Variants in CSMD3 observed in about 807,000 individuals in gnomAD.
CSMD3 encodes CUB and Sushi multiple domains 3, also known as CUB and sushi domain-containing protein 3.
CSMD3 carries 177 observed loss-of-function variants against 435.2 expected under a neutral mutation model. That is an observed-to-expected ratio of 0.41 (90% CI 0.36 to 0.46). CSMD3 has a LOEUF of 0.46. Ranked by LOEUF, CSMD3 falls within the 20% of genes least tolerant of loss-of-function variation. The pLI is 0.34. For missense variants in CSMD3, 4,265 were observed against 4,504.6 expected, an observed-to-expected ratio of 0.95 and a Z score of 1.52; for synonymous variants, 1,656 against 1,520.5, an observed-to-expected ratio of 1.09 and a Z score of -2.07.
chr8:112,744,054 T>C (rs929242783), intron 13 of CSMD3, among the ~76,000 whole-genome samples: 6 of 151,988 alleles, frequency 3.9e-5, no homozygotes, highest in Non-Finnish European at 8.8e-5. Context: ...TATGAAAAGG[T>C]TGTCATATAA....
intron 6 of CSMD3, among the ~76,000 whole-genome samples, chr8:112,980,230 CCAAA>C (rs2085000035): frequency 6.7e-6 from 1 of 150,274 alleles, no homozygotes; most frequent in South Asian, 2.1e-4. Context: ...TAACTCATTA[CCAAA>C]ATAAAAAACA....
chr8:112,314,563 G>A lies in CSMD3; in HGVS notation c.7415C>T (p.Pro2472Leu), dbSNP rs2130837808. 1.2e-6 allele frequency: 2 copies of A among 1,612,520 alleles called. No individual in the cohort carries two copies. The highest frequency in any genetic ancestry group is 1.7e-6 in the Non-Finnish European group (2 of 1,178,726). Residue 2472 changes from proline (P) to leucine (L), a missense_variant, in exon 48 of 71, where the codon CCT becomes CTT. Physicochemically the swap from Pro to Leu is moderately conservative, Grantham distance 98. This residue lies in a region of CSMD3 where 3,255 missense variants were observed against 3,380.2 expected (regional missense o/e 0.96). Transcript: ENST00000297405. Reference sequence around the variant, plus strand: ...ATTTGGGTAACTGTCAGGATATCCAGGGCTCAATATGACTCCAGTAGAATC... The same window carrying A: ...ATTTGGGTAACTGTCAGGATATCCAAGGCTCAATATGACTCCAGTAGAATC... Reference protein sequence around the residue: ...RLDSTGVILSPGYPDSYPNLQ... With the variant: ...RLDSTGVILSLGYPDSYPNLQ...
chr8:112,678,996 G>A (rs996417547), intron 16 of CSMD3, among the ~76,000 whole-genome samples: 1 of 151,154 alleles, frequency 6.6e-6, no homozygotes. Context: ...CAGAAAAAAG[G>A]AGACAGGAGG....
intron 53 of CSMD3, among the ~76,000 whole-genome samples, chr8:112,300,402 TAAG>T (rs1204085121): frequency 6.6e-6 from 1 of 151,614 alleles, no homozygotes; most frequent in Non-Finnish European, 1.5e-5. Flanking sequence ...TACAAACTAT[TAAG>T]ATTTTTTATT....
chr8:112,656,007 CA>C, intron 18 of CSMD3, 146 bp downstream of exon 18: 1 of 536,640 alleles, frequency 1.9e-6, no homozygotes, highest in Non-Finnish European at 3.3e-6. Flanking sequence ...CTAAAACACA[CA>C]CCTTATAAAG....
At chr8:113,277,264 T>G (rs1414661649) in intron 3 of CSMD3, among the ~76,000 whole-genome samples, 1 of 151,986 alleles carries the variant, frequency 6.6e-6, no homozygotes, top group Non-Finnish European at 1.5e-5. Flanking sequence ...TCAACTATTG[T>G]GAGAGCTCCT....
chr8:112,498,893 G>T, intron 30 of CSMD3, among the ~76,000 whole-genome samples: 1 of 152,184 alleles, frequency 6.6e-6, no homozygotes, highest in Admixed American at 6.5e-5. Flanking sequence ...TTTGAATTAT[G>T]ACTTGATTTT....
At chr8:112,468,232 GTATTTT>G (rs1818155829) in intron 32 of CSMD3, among the ~76,000 whole-genome samples, 1 of 114,882 alleles carries the variant, frequency 8.7e-6, no homozygotes, top group Non-Finnish European at 1.8e-5. Context: ...ATTGCCTAAA[GTATTTT>G]TTTTTTTTTT....
chr8:113,167,521 C>A (rs1257667864), intron 4 of CSMD3, among the ~76,000 whole-genome samples: 1 of 152,146 alleles, frequency 6.6e-6, no homozygotes, highest in Non-Finnish European at 1.5e-5. Flanking sequence ...CTAAAACAGT[C>A]TAATCAGGAC....
chr8:112,984,129 C>T (rs1317343811), intron 6 of CSMD3, among the ~76,000 whole-genome samples: 4 of 151,664 alleles, frequency 2.6e-5, no homozygotes, highest in South Asian at 2.1e-4. Flanking sequence ...TATCATTGCC[C>T]TAAAAGCAAA....
chr8:112,709,356 G>A (rs939485346), intron 13 of CSMD3, among the ~76,000 whole-genome samples: 9 of 151,860 alleles, frequency 5.9e-5, no homozygotes, highest in Admixed American at 2.0e-4. Context: ...TTGACCCCGC[G>A]GCCATCTGTT....
chr8:112,291,634 A>G lies in CSMD3; in HGVS notation c.8850T>C (p.His2950=), dbSNP rs779241299. Residue 2950 remains histidine, a synonymous_variant, in exon 56 of 71, where the codon CAT becomes CAC. Coordinates refer to ENST00000297405, the MANE Select transcript of CSMD3 (RefSeq NM_198123.2). The stretch of plus-strand genomic sequence containing the variant: ...CCACAGTGCCGTAAGTAAAATTTCC[A>G]TGTTCTATTTTACTTTCTCTTTTAG... ...ANSKRESKIE[H]GNFTYGTVVF... The G allele has an allele frequency of 6.2e-6, 10 of 1,611,604 alleles. No homozygotes were observed. Among genetic ancestry groups the G allele is most frequent in the Non-Finnish European group, 7.6e-6 (9 of 1,178,192 alleles).
At chr8:113,376,707 G>C in intron 1 of CSMD3, 2 of 1,613,612 alleles carry the variant, frequency 1.2e-6, no homozygotes, top group South Asian at 1.1e-5. Context: ...GAAAGGTTCG[G>C]CGCAAGGAGC....
At chr8:113,279,740 CCTT>C (rs1290593318) in intron 2 of CSMD3, among the ~76,000 whole-genome samples, 3 of 151,376 alleles carry the variant, frequency 2.0e-5, no homozygotes, top group African/African-American at 2.4e-5. Flanking sequence ...TTGTTTTACT[CCTT>C]CTTGTAATAC....
chr8:113,291,967 A>G (rs75682052), intron 2 of CSMD3, among the ~76,000 whole-genome samples: 286 of 151,956 alleles, frequency 1.9e-3, no homozygotes, highest in South Asian at 9.8e-3. Flanking sequence ...CATCACAGAC[A>G]AGATTAGAAT....
chr8:112,298,809 C>A (rs949710484), intron 53 of CSMD3, among the ~76,000 whole-genome samples: 3 of 152,064 alleles, frequency 2.0e-5, no homozygotes, highest in Non-Finnish European at 2.9e-5. Context: ...GTTGGCTATA[C>A]CACATGCTGG....
chr8:113,419,126 T>A (rs1315048754), intron 1 of CSMD3, among the ~76,000 whole-genome samples: 1 of 75,670 alleles, frequency 1.3e-5, no homozygotes, highest in East Asian at 7.0e-4. Flanking sequence ...TTTTGGTTTG[T>A]TTTTTTTTTT....
intron 2 of CSMD3, among the ~76,000 whole-genome samples, chr8:113,298,128 T>C (rs989516287): frequency 3.9e-5 from 6 of 152,092 alleles, no homozygotes; most frequent in African/African-American, 1.4e-4. Flanking sequence ...AATACTATAA[T>C]TAAAATTTAA....
In CSMD3 at chr8:113,181,234, T is replaced by A. The variant is rs182518082; in HGVS notation, c.515-7318A>T. ...GTAGGAGAAAAGTCTATTGTCATTT[T>A]AAAAAAATATTTAGATAAGTCTCAG... is the stretch of plus-strand genomic sequence containing the variant. On this transcript the variant is annotated intron_variant, in intron 3 of 70. Transcript: ENST00000297405. Among the ~76,000 whole-genome samples, 900 of 152,062 alleles carry A rather than the reference T, an allele frequency of 5.9e-3. 4 individuals carry two copies. The highest frequency in any genetic ancestry group is 0.019 in the African/African-American group (793 of 41,526).
Sources: allele counts gnomAD v4.1 joint callset (sites outside exome capture counted in the v4.1 genomes callset), GRCh38; gene constraint gnomAD v4.1.1; regional missense constraint gnomAD v4.1.1; transcripts MANE v1.5; gene names NCBI Gene and HGNC (gene_info 2026-07-23, HGNC 2026-07-21).